Variants in NCAPG2 observed in about 807,000 individuals in gnomAD.
NCAPG2 encodes condensin-2 complex subunit G2.
Under a neutral mutation model 141.1 loss-of-function variants are expected in NCAPG2, and 53 were observed. The observed-to-expected ratio is 0.38, with a 90% CI of 0.30 to 0.47. The LOEUF (loss-of-function observed/expected upper bound fraction) is 0.47. Among genes scored for constraint, NCAPG2 ranks in the 20% least tolerant of loss-of-function variants. NCAPG2 has a pLI of 0.99. For missense variants in NCAPG2, 1,087 were observed against 1,389.0 expected (o/e 0.78, Z 3.46); for synonymous variants, 499 against 490.7 (o/e 1.02, Z -0.22).
rs945928092 is a variant in NCAPG2 at position 158,660,401 on chromosome 7, C to CTTTTTTTTTTTTTTTTTT, written c.1989+1775_1989+1792dup. On this transcript the variant is annotated intron_variant, in intron 16 of 27. Coordinates refer to ENST00000356309, the MANE Select transcript of NCAPG2 (RefSeq NM_017760.7). ...AGTCCCAGGTCATTATTTCAGCTTT[C>CTTTTTTTTTTTTTTTTTT]TTTTTTTTTTTTTTTTTTTTTTTTT... Among the ~76,000 whole-genome samples the CTTTTTTTTTTTTTTTTTT allele has an allele frequency of 5.1e-4, 37 of 72,806 alleles. 3 individuals are homozygous for CTTTTTTTTTTTTTTTTTT. The highest frequency in any genetic ancestry group is 1.3e-3 in the East Asian group (2 of 1,524). 47.8% of individuals were successfully genotyped at this position (72,806 alleles called of 152,430 possible).
At chr7:158,677,363 T>C (rs1323551101) in intron 11 of NCAPG2, among the ~76,000 whole-genome samples, 2 of 152,012 alleles carry the variant, frequency 1.3e-5, no homozygotes, top group African/African-American at 2.4e-5. Flanking sequence ...TGTTGCACTC[T>C]GCCCATTTAG....
At chr7:158,675,384 G>A in intron 12 of NCAPG2, 93 bp downstream of exon 12, 1 of 1,252,380 alleles carries the variant, frequency 8.0e-7, no homozygotes, top group Non-Finnish European at 1.1e-6. Flanking sequence ...TGTGGAGTAG[G>A]ATTACAGGTA....
chr7:158,644,406 A>G lies in NCAPG2; in HGVS notation c.3281-18T>C. 6.3e-7 allele frequency: 1 copy of G among 1,575,120 alleles called. No individual in the cohort carries two copies. The stretch of plus-strand genomic sequence containing the variant: ...ATGTTTACCTGGGAAAATTATATTA[A>G]AAGACAGAAAAGACTTTAACATCAC... On this transcript the variant is annotated intron_variant, in intron 26 of 27. Coordinates refer to ENST00000356309, the MANE Select transcript of NCAPG2 (RefSeq NM_017760.7).
intron 2 of NCAPG2, among the ~76,000 whole-genome samples, chr7:158,699,873 C>A (rs998110868): frequency 6.6e-6 from 1 of 152,114 alleles, no homozygotes; most frequent in Non-Finnish European, 1.5e-5. Flanking sequence ...ATGTCACTGG[C>A]AAAATTTTTT....
chr7:158,654,177 G>A (rs1831726101), intron 22 of NCAPG2, among the ~76,000 whole-genome samples: 1 of 152,152 alleles, frequency 6.6e-6, no homozygotes, highest in African/African-American at 2.4e-5. Context: ...CTTTCCCTGT[G>A]GTAACAGCAA....
intron 15 of NCAPG2, among the ~76,000 whole-genome samples, chr7:158,663,439 G>C (rs1381183081): frequency 1.3e-5 from 2 of 152,248 alleles, no homozygotes; most frequent in African/African-American, 4.8e-5. Flanking sequence ...AACTGACTGA[G>C]GGGCTGGGCT....
rs1413318855 is a variant in NCAPG2, at chr7:158,644,341, T to C, written c.3328A>G (p.Arg1110Gly). ...KVREVAATVHRKLKTFMEITL... is the reference protein window; with the variant it reads ...KVREVAATVHGKLKTFMEITL... ...ATTTCCATGAATGTCTTTAGTTTTCTGTGAACAGTGGCTGCAACCTCCCTC... is the reference window on the plus strand; with the variant it reads ...ATTTCCATGAATGTCTTTAGTTTTCCGTGAACAGTGGCTGCAACCTCCCTC... The change falls in exon 27 of 28, where the codon AGA becomes GGA. Residue 1110 changes from arginine (R) to glycine (G), a missense_variant. By Grantham distance (125) the Arg-to-Gly change is moderately radical. Transcript: ENST00000356309. The C allele has an allele frequency of 6.2e-7, 1 of 1,614,146 alleles. No individual in the cohort carries two copies. Among genetic ancestry groups the C allele is most frequent in the Non-Finnish European group, 8.5e-7 (1 of 1,179,962 alleles).
chr7:158,688,798 G>A (rs564766099), intron 6 of NCAPG2, among the ~76,000 whole-genome samples: 197 of 152,272 alleles, frequency 1.3e-3, no homozygotes, highest in Non-Finnish European at 2.2e-3. Flanking sequence ...TAATCACATG[G>A]CCCTTTGTCT....
chr7:158,702,512 T>C (rs1461721196), intron 1 of NCAPG2, among the ~76,000 whole-genome samples: 3 of 152,230 alleles, frequency 2.0e-5, no homozygotes, highest in African/African-American at 7.2e-5. Context: ...CTCAGGGGAC[T>C]TTGTATACCC....
At position 158,680,014 on chromosome 7, in the gene NCAPG2, G is replaced by C. The variant is rs1378007153; in HGVS notation, c.1092C>G (p.Asn364Lys). 2.5e-6 allele frequency: 4 copies of C among 1,613,990 alleles called. No homozygotes were observed. The African/African-American group carries it at 5.3e-5, about 22-fold the overall frequency. The change falls in exon 11 of 28, where the codon AAC becomes AAG. Residue 364 changes from asparagine (N) to lysine (K), a missense_variant. Transcript: ENST00000356309. ...CACTATCCATTTCAATAGCATGAAGGTTTGGATCCCTAATAGGAAATGCTT... is the reference window on the plus strand; with the variant it reads ...CACTATCCATTTCAATAGCATGAAGCTTTGGATCCCTAATAGGAAATGCTT... ...FVEAFPIRDPNLHAIEMDSEI... is the reference protein window; with the variant it reads ...FVEAFPIRDPKLHAIEMDSEI...
At position 158,631,662 on chromosome 7, in the gene NCAPG2, T is replaced by C. The variant is rs200645434; in HGVS notation, c.*4A>G. On this transcript the variant is annotated 3_prime_UTR_variant, in exon 28 of 28. Transcript: ENST00000356309. ...TTTTTACATGTCTGGAGATGTTGGC[T>C]TGGTTATGAATTCAAAAGTTCTCCC... is the stretch of plus-strand genomic sequence containing the variant. 48 of 1,586,146 alleles carry C rather than the reference T, an allele frequency of 3.0e-5. 1 individual carries two copies. The East Asian group carries it at 1.1e-3, about 35-fold the overall frequency.
chr7:158,643,248 T>C (rs755703897), intron 27 of NCAPG2, among the ~76,000 whole-genome samples: 4 of 151,982 alleles, frequency 2.6e-5, no homozygotes, highest in South Asian at 2.1e-4. Flanking sequence ...ACAGGCCTAA[T>C]TTTTGTATTT....
chr7:158,641,469 C>T (rs1415769762), intron 27 of NCAPG2: 2 of 660,334 alleles, frequency 3.0e-6, no homozygotes, highest in East Asian at 2.8e-5. Flanking sequence ...CAGTCCTAGC[C>T]AATTGGGACT....
intron 12 of NCAPG2, among the ~76,000 whole-genome samples, chr7:158,672,292 G>GTGTATATATA (rs1294151630): frequency 3.7e-5 from 1 of 27,228 alleles, no homozygotes; most frequent in African/African-American, 1.5e-4. Flanking sequence ...GTGTGTGTGT[G>GTGTATATATA]TATATATATA....
At chr7:158,697,178 T>C (rs1041256133) in intron 2 of NCAPG2, among the ~76,000 whole-genome samples, 1 of 152,270 alleles carries the variant, frequency 6.6e-6, no homozygotes, top group African/African-American at 2.4e-5. Context: ...ATGTCTGTTA[T>C]TGCCCCTGAA....
chr7:158,690,723 C>T lies in NCAPG2; in HGVS notation c.383-1G>A. 6.2e-7 allele frequency: 1 copy of T among 1,612,818 alleles called. No individual in the cohort carries two copies. Among genetic ancestry groups the T allele is most frequent in the Non-Finnish European group, 8.5e-7 (1 of 1,179,300 alleles). On this transcript the variant is annotated splice_acceptor_variant, in intron 4 of 27. Transcript: ENST00000356309. LOFTEE classifies it high-confidence loss of function. ...GACTCAGGTAATGCATATAAAATAC[C>T]TAAAATACAGCACAGTAATTTTCCA...
rs59479785 is a variant in NCAPG2, at chr7:158,652,557, A to G, written c.2747-77T>C. Reference sequence around the variant, plus strand: ...AATCATTACACATTTCTCACTTAACACATGTATAAAATGGTAACAAAAAAG... The same window carrying G: ...AATCATTACACATTTCTCACTTAACGCATGTATAAAATGGTAACAAAAAAG... On this transcript the variant is annotated intron_variant, in intron 22 of 27. Transcript: ENST00000356309. 3.7e-3 allele frequency: 4,355 copies of G among 1,164,402 alleles called. 119 individuals are homozygous for G. In the African/African-American group the frequency reaches 0.063, roughly 17 times the overall value. The allele number at this position is 1,164,402 out of a possible 1,614,324, so 72.1% of individuals were successfully genotyped here. A position where few individuals can be genotyped will look rare whatever the true frequency, so the allele number is the denominator to read the frequency against.
rs1381095148 is a variant in NCAPG2, at chr7:158,704,136, C to T, written c.-40+588G>A. Among the ~76,000 whole-genome samples, 43 of 144,856 alleles carry T rather than the reference C, an allele frequency of 3.0e-4. No individual in the cohort carries two copies. In the East Asian group the frequency reaches 8.1e-3, roughly 27 times the overall value. Reference sequence around the variant, plus strand: ...GGACTGAGGGGACGCTCTCTGAGGGCAGTGCCCATGCCCAGGACTGAGGGG... The same window carrying T: ...GGACTGAGGGGACGCTCTCTGAGGGTAGTGCCCATGCCCAGGACTGAGGGG... On this transcript the variant is annotated intron_variant, in intron 1 of 27. Transcript: ENST00000356309.
At chr7:158,658,843 T>C (rs1368525262) in intron 16 of NCAPG2, among the ~76,000 whole-genome samples, 1 of 152,040 alleles carries the variant, frequency 6.6e-6, no homozygotes, top group East Asian at 1.9e-4. Context: ...GAAAATGTTA[T>C]AAAACAAAAT....
Sources: gnomAD v4.1 joint callset for allele counts (sites outside exome capture counted in the v4.1 genomes callset) on GRCh38, gnomAD v4.1.1 for gene constraint, MANE v1.5 for transcripts, NCBI Gene and HGNC (gene_info 2026-07-23, HGNC 2026-07-21) for gene names.